The following CTNNA2 variants were observed in gnomAD, a reference collection of about 807,000 sequenced individuals.
The protein encoded by CTNNA2 is catenin alpha 2, also known as catenin alpha-2.
A neutral mutation model predicts 101.0 loss-of-function variants in CTNNA2; 42 were observed. That is an observed-to-expected ratio of 0.42 (90% CI 0.32 to 0.54). CTNNA2 has a LOEUF of 0.54. Among genes scored for constraint, CTNNA2 ranks in the 20% least tolerant of loss-of-function variants. The pLI, the probability that CTNNA2 is intolerant of heterozygous loss-of-function variation, is 0.14. For missense variants in CTNNA2, 871 were observed against 1,223.1 expected, an observed-to-expected ratio of 0.71 and a Z score of 4.29; for synonymous variants, 450 against 456.4, an observed-to-expected ratio of 0.99 and a Z score of 0.18.
chr2:79,922,803 A>T (rs2104387282), intron 7 of CTNNA2, among the ~76,000 whole-genome samples: 1 of 152,250 alleles, frequency 6.6e-6, no homozygotes, highest in African/African-American at 2.4e-5. Flanking sequence ...ACATGTTTAG[A>T]TACAACTAAA....
At chr2:79,476,258 G>A (rs6717316) in intron 4 of CTNNA2, among the ~76,000 whole-genome samples, 86,124 of 151,816 alleles carry the variant, frequency 0.57, 25,382 homozygotes, top group Non-Finnish European at 0.66. Context: ...AGCTCTTTAG[G>A]AATACAATGT....
At chr2:80,372,522 G>A (rs1417820388) in intron 7 of CTNNA2, among the ~76,000 whole-genome samples, 3 of 151,928 alleles carry the variant, frequency 2.0e-5, no homozygotes, top group Non-Finnish European at 2.9e-5. Flanking sequence ...TTTGGCCCTT[G>A]AACATGTTCA....
intron 3 of CTNNA2, among the ~76,000 whole-genome samples, chr2:79,853,161 C>A (rs7423545): frequency 0.33 from 50,656 of 151,526 alleles, 9,096 homozygotes; most frequent in South Asian, 0.42. Flanking sequence ...AGCCACTGCA[C>A]CTTGTTTTGT....
intron 12 of CTNNA2, among the ~76,000 whole-genome samples, chr2:80,570,964 T>C (rs1391735002): frequency 6.6e-6 from 1 of 152,060 alleles, no homozygotes; most frequent in Non-Finnish European, 1.5e-5. Flanking sequence ...CCATTTAGGT[T>C]TTAGCTTTCT....
intron 1 of CTNNA2, among the ~76,000 whole-genome samples, chr2:79,186,703 G>A (rs764936209): frequency 3.9e-5 from 6 of 152,212 alleles, no homozygotes; most frequent in Non-Finnish European, 5.9e-5. Flanking sequence ...TTTTTAAGAG[G>A]AAACAGTACG....
chr2:80,013,456 G>A (rs1004690033), intron 7 of CTNNA2, among the ~76,000 whole-genome samples: 2 of 152,094 alleles, frequency 1.3e-5, no homozygotes, highest in Non-Finnish European at 2.9e-5. Flanking sequence ...TTGTTCTTCA[G>A]CTACCTTAAA....
chr2:80,368,901 G>T (rs1022400885), intron 7 of CTNNA2, among the ~76,000 whole-genome samples: 2 of 148,580 alleles, frequency 1.3e-5, no homozygotes, highest in Non-Finnish European at 3.0e-5. Context: ...CGCTAGGCTA[G>T]TGGGTAGGAA....
At chr2:80,436,363 G>A (rs1682025948) in intron 9 of CTNNA2, among the ~76,000 whole-genome samples, 1 of 151,648 alleles carries the variant, frequency 6.6e-6, no homozygotes, top group African/African-American at 2.4e-5. Flanking sequence ...AGGATTCACA[G>A]GTCATTTCTG....
At chr2:79,765,582 A>G (rs1673094670) in intron 3 of CTNNA2, among the ~76,000 whole-genome samples, 2 of 152,208 alleles carry the variant, frequency 1.3e-5, no homozygotes, top group Admixed American at 6.5e-5. Flanking sequence ...CCTTCCAGAA[A>G]GATCTATCCC....
chr2:79,893,075 C>G (rs1314847639), intron 6 of CTNNA2, among the ~76,000 whole-genome samples: 2 of 152,074 alleles, frequency 1.3e-5, no homozygotes, highest in Non-Finnish European at 2.9e-5. Context: ...GAGAAAATCT[C>G]ATAGCAATCT....
At chr2:79,286,418 T>C (rs1462656531) in intron 2 of CTNNA2, among the ~76,000 whole-genome samples, 2 of 152,132 alleles carry the variant, frequency 1.3e-5, no homozygotes, top group African/African-American at 4.8e-5. Flanking sequence ...TGTTTAGTGC[T>C]TCCTTCAGGA....
intron 9 of CTNNA2, among the ~76,000 whole-genome samples, chr2:80,451,829 C>A (rs921632992): frequency 6.6e-6 from 1 of 152,088 alleles, no homozygotes; most frequent in Non-Finnish European, 1.5e-5. Context: ...CAGATTCCTT[C>A]ATGCTGATGT....
intron 2 of CTNNA2, among the ~76,000 whole-genome samples, chr2:79,274,463 G>T (rs1348118879): frequency 6.6e-6 from 1 of 151,882 alleles, no homozygotes; most frequent in Non-Finnish European, 1.5e-5. Context: ...TTATTCCACA[G>T]GAATTCTTCT....
At chr2:79,714,020 A>G (rs1364340947) in intron 2 of CTNNA2, among the ~76,000 whole-genome samples, 1 of 152,082 alleles carries the variant, frequency 6.6e-6, no homozygotes, top group Non-Finnish European at 1.5e-5. Context: ...GGCTTTACGA[A>G]GTAGAGCAAG....
chr2:80,618,328 G>A (rs1178333124), intron 17 of CTNNA2, among the ~76,000 whole-genome samples: 2 of 151,734 alleles, frequency 1.3e-5, no homozygotes, highest in African/African-American at 4.8e-5. Flanking sequence ...TTTTTCTACA[G>A]TTCTGAAGAT....
intron 9 of CTNNA2, among the ~76,000 whole-genome samples, chr2:80,437,218 T>G (rs2149435907): frequency 6.6e-6 from 1 of 152,280 alleles, no homozygotes; most frequent in South Asian, 2.1e-4. Flanking sequence ...CAGGCTAAGA[T>G]ATTTTGCTAT....
chr2:80,465,672 C>T (rs1461868584), intron 9 of CTNNA2, among the ~76,000 whole-genome samples: 1 of 152,150 alleles, frequency 6.6e-6, no homozygotes, highest in Non-Finnish European at 1.5e-5. Flanking sequence ...TGCCCTCGCC[C>T]TAGCCCTCCC....
chr2:79,735,137 G>C (rs1469024583), intron 2 of CTNNA2, among the ~76,000 whole-genome samples: 1 of 151,644 alleles, frequency 6.6e-6, no homozygotes, highest in Admixed American at 6.6e-5. Flanking sequence ...TCTCATGTAA[G>C]CTTTTGGATG....
chr2:79,417,832 G>C (rs1558662404), intron 4 of CTNNA2, among the ~76,000 whole-genome samples: 1 of 152,072 alleles, frequency 6.6e-6, no homozygotes, highest in Non-Finnish European at 1.5e-5. Context: ...GTGCTATGAA[G>C]TTATAACCAC....
Sources: allele counts gnomAD v4.1 joint callset (sites outside exome capture counted in the v4.1 genomes callset), GRCh38; gene constraint gnomAD v4.1.1; transcripts MANE v1.5; gene names NCBI Gene and HGNC (gene_info 2026-07-23, HGNC 2026-07-21).